Variants in RIMS1 observed in about 807,000 individuals in gnomAD.
RIMS1 encodes regulating synaptic membrane exocytosis protein 1.
In RIMS1, 83 loss-of-function variants were observed where a neutral mutation model predicts 214.1. That is an observed-to-expected ratio of 0.39 (90% CI 0.32 to 0.47). The LOEUF (loss-of-function observed/expected upper bound fraction) is 0.47, where lower values mean the gene tolerates loss of function less well. Among genes scored for constraint, RIMS1 ranks in the 20% least tolerant of loss-of-function variants. RIMS1 has a pLI of 0.99. For missense variants in RIMS1, 2,050 were observed against 2,161.8 expected (o/e 0.95, Z 1.03); for synonymous variants, 793 against 786.8 (o/e 1.01, Z -0.13).
chr6:72,169,087 A>T (rs897026675), intron 4 of RIMS1, among the ~76,000 whole-genome samples: 2 of 152,344 alleles, frequency 1.3e-5, no homozygotes, highest in Non-Finnish European at 2.9e-5. Flanking sequence ...AAATAAGAAG[A>T]TAAATGGATT....
chr6:72,116,873 ATATT>A (rs1230694407), intron 4 of RIMS1, among the ~76,000 whole-genome samples: 1 of 151,982 alleles, frequency 6.6e-6, no homozygotes, highest in East Asian at 1.9e-4. Context: ...TTTTGGACTA[ATATT>A]TATTGAGCAC....
At chr6:72,334,244 G>A (rs187870604) in intron 29 of RIMS1, among the ~76,000 whole-genome samples, 7 of 151,838 alleles carry the variant, frequency 4.6e-5, no homozygotes, top group Non-Finnish European at 8.8e-5. Context: ...GTTGTGCAAC[G>A]TGACATATAC....
chr6:71,972,172 C>T (rs963975313), intron 2 of RIMS1, among the ~76,000 whole-genome samples: 1 of 152,088 alleles, frequency 6.6e-6, no homozygotes, highest in Non-Finnish European at 1.5e-5. Flanking sequence ...TAGAGGGATT[C>T]AAGGGGAATG....
chr6:72,214,694 G>T (rs1199576807), intron 6 of RIMS1, among the ~76,000 whole-genome samples: 1 of 151,998 alleles, frequency 6.6e-6, no homozygotes, highest in Non-Finnish European at 1.5e-5. Context: ...CAGTTGACTT[G>T]AGCCTACATA....
intron 4 of RIMS1, among the ~76,000 whole-genome samples, chr6:72,100,629 C>CACTATACACCTTCATCTGGTGTAAATT (rs1562311542): frequency 6.7e-6 from 1 of 150,258 alleles, no homozygotes; most frequent in Admixed American, 6.7e-5. Flanking sequence ...TTTGTATAAA[C>CACTATACACCTTCATCTGGTGTAAATT]ACTATACACC....
intron 1 of RIMS1, among the ~76,000 whole-genome samples, chr6:71,935,166 AT>A: frequency 6.6e-6 from 1 of 152,328 alleles, no homozygotes; most frequent in East Asian, 1.9e-4. Context: ...AACCTAAAGA[AT>A]TAACCCTTTC....
chr6:72,398,386 T>C, intron 32 of RIMS1, 36 bp downstream of exon 32: 1 of 1,227,682 alleles, frequency 8.1e-7, no homozygotes, highest in Non-Finnish European at 1.2e-6. Context: ...GTGAAGGGAC[T>C]ATTTAATAGG....
At chr6:72,282,363 C>T (rs2090531942) in intron 23 of RIMS1, among the ~76,000 whole-genome samples, 1 of 152,072 alleles carries the variant, frequency 6.6e-6, no homozygotes, top group African/African-American at 2.4e-5. Context: ...TTGATTTCAG[C>T]CATGAAATCA....
At chr6:72,165,798 C>A (rs565624509) in intron 4 of RIMS1, among the ~76,000 whole-genome samples, 16 of 152,046 alleles carry the variant, frequency 1.1e-4, no homozygotes, top group African/African-American at 3.9e-4. Flanking sequence ...AATGAGGAGG[C>A]CACCCAAAAG....
At chr6:72,212,872 C>G in intron 6 of RIMS1, 1 of 1,165,112 alleles carries the variant, frequency 8.6e-7, no homozygotes, top group Non-Finnish European at 1.1e-6. Flanking sequence ...GTATTTTATC[C>G]AAGCAGTCCT....
intron 1 of RIMS1, among the ~76,000 whole-genome samples, chr6:71,942,983 G>T (rs1786636939): frequency 6.6e-6 from 1 of 151,990 alleles, no homozygotes; most frequent in African/African-American, 2.4e-5. Flanking sequence ...GGAAAGACAT[G>T]TATTAAGATA....
intron 6 of RIMS1, among the ~76,000 whole-genome samples, chr6:72,223,320 T>C (rs751240350): frequency 9.9e-5 from 15 of 152,168 alleles, no homozygotes. Flanking sequence ...TTGTTTTCTG[T>C]TGAATCAAAG....
At chr6:71,916,485 G>A (rs1346896244) in intron 1 of RIMS1, among the ~76,000 whole-genome samples, 2 of 152,020 alleles carry the variant, frequency 1.3e-5, no homozygotes, top group Non-Finnish European at 2.9e-5. Context: ...TCCTTCCAGT[G>A]GTTAATGAGT....
At chr6:72,011,174 A>G (rs955628166) in intron 2 of RIMS1, among the ~76,000 whole-genome samples, 9 of 152,192 alleles carry the variant, frequency 5.9e-5, no homozygotes, top group African/African-American at 1.9e-4. Flanking sequence ...GAATAAAGCC[A>G]CACATCTACA....
chr6:72,067,324 A>C (rs953890826), intron 2 of RIMS1, among the ~76,000 whole-genome samples: 4 of 151,846 alleles, frequency 2.6e-5, no homozygotes, highest in Admixed American at 6.6e-5. Flanking sequence ...AGGCTGCTCC[A>C]CTCACCTTCC....
At chr6:72,010,557 T>A (rs918557553) in intron 2 of RIMS1, among the ~76,000 whole-genome samples, 4 of 152,136 alleles carry the variant, frequency 2.6e-5, no homozygotes, top group Admixed American at 6.6e-5. Context: ...TTTGCAGATG[T>A]TATAATTGTA....
intron 6 of RIMS1, among the ~76,000 whole-genome samples, chr6:72,221,638 G>A (rs529658206): frequency 1.3e-5 from 2 of 152,028 alleles, no homozygotes; most frequent in East Asian, 1.9e-4. Context: ...AGAAACTGAG[G>A]TTGAGTTTAG....
At position 71,930,519 on chromosome 6, in the gene RIMS1, A is replaced by T. The variant is rs1247553989; in HGVS notation, c.165-38464A>T. Among the ~76,000 whole-genome samples the T allele has an allele frequency of 2.6e-5, 4 of 151,984 alleles. No homozygotes were observed. The South Asian group carries it at 8.3e-4, about 31-fold the overall frequency. Reference sequence around the variant, plus strand: ...ATTAGTCAGTCTATTACCTTGTTTTATAGATGAAAACTGAAGCCCAGCAGG... The same window carrying T: ...ATTAGTCAGTCTATTACCTTGTTTTTTAGATGAAAACTGAAGCCCAGCAGG... On this transcript the variant is annotated intron_variant, in intron 1 of 33. Transcript: ENST00000521978.
chr6:71,924,074 T>G (rs986192717), intron 1 of RIMS1, among the ~76,000 whole-genome samples: 7 of 152,214 alleles, frequency 4.6e-5, no homozygotes, highest in African/African-American at 1.7e-4. Flanking sequence ...TTTGTTTGAT[T>G]GTAGTTTTGT....
Sources: gnomAD v4.1 joint callset for allele counts (sites outside exome capture counted in the v4.1 genomes callset) on GRCh38, gnomAD v4.1.1 for gene constraint, MANE v1.5 for transcripts, NCBI Gene and HGNC (gene_info 2026-07-23, HGNC 2026-07-21) for gene names.